SCAPER: variants seen among roughly 807,000 people sequenced by gnomAD.
SCAPER encodes the protein S-phase cyclin A associated protein in the ER.
SCAPER carries 98 observed loss-of-function variants against 182.2 expected under a neutral mutation model. The ratio of observed to expected loss-of-function variants is 0.54; its 90% CI spans 0.46 to 0.64. The LOEUF is 0.64. Ranked by LOEUF, SCAPER falls within the 30% of genes least tolerant of loss-of-function variation. The pLI is 0.00. For missense variants in SCAPER, 1,432 were observed against 1,690.0 expected (o/e 0.85, Z 2.68); for synonymous variants, 605 against 564.6 (o/e 1.07, Z -1.01).
chr15:76,618,183 C>T (rs1310858119), intron 22 of SCAPER, among the ~76,000 whole-genome samples: 1 of 152,078 alleles, frequency 6.6e-6, no homozygotes, highest in Non-Finnish European at 1.5e-5. Flanking sequence ...CCACTTGAAC[C>T]CGGGAGGAAG....
At chr15:76,853,282 TATTCCAAA>T (rs1373167273) in intron 4 of SCAPER, among the ~76,000 whole-genome samples, 1 of 152,100 alleles carries the variant, frequency 6.6e-6, no homozygotes, top group Admixed American at 6.5e-5. Flanking sequence ...CTACTGAAAC[TATTCCAAA>T]AAATTGAGGA....
At chr15:76,497,124 T>TTTC (rs1555456895) in intron 24 of SCAPER, among the ~76,000 whole-genome samples, 3 of 139,426 alleles carry the variant, frequency 2.2e-5, no homozygotes, top group Non-Finnish European at 3.0e-5. Context: ...TTTTTTTTTT[T>TTTC]CCCAAAACGG....
chr15:76,627,018 C>T (rs1297905613), intron 21 of SCAPER, among the ~76,000 whole-genome samples: 2 of 151,716 alleles, frequency 1.3e-5, no homozygotes, highest in Non-Finnish European at 3.0e-5. Context: ...AATATACTGT[C>T]ACAATTATAA....
intron 1 of SCAPER, 118 bp from the exon 2 acceptor site, chr15:76,883,994 T>G (rs2073716136): frequency 1.8e-6 from 1 of 553,818 alleles, no homozygotes; most frequent in Non-Finnish European, 3.1e-6. Flanking sequence ...AAAAAACTGC[T>G]CCTTTATATT....
At chr15:76,891,319 G>A (rs1361399514) in intron 1 of SCAPER, among the ~76,000 whole-genome samples, 3 of 152,174 alleles carry the variant, frequency 2.0e-5, no homozygotes, top group Non-Finnish European at 4.4e-5. Context: ...ATTCTGGCCA[G>A]AGCAATTAGG....
At chr15:76,363,964 T>G (rs2041631334) in intron 29 of SCAPER, among the ~76,000 whole-genome samples, 1 of 152,178 alleles carries the variant, frequency 6.6e-6, no homozygotes, top group African/African-American at 2.4e-5. Flanking sequence ...AGAGGGTCCT[T>G]GAGGCCAATG....
chr15:76,891,938 C>T (rs1328821207), intron 1 of SCAPER, among the ~76,000 whole-genome samples: 4 of 152,166 alleles, frequency 2.6e-5, no homozygotes, highest in Admixed American at 6.5e-5. Context: ...TACTACAAGG[C>T]TACAGTAACC....
chr15:76,665,730 T>C lies in SCAPER; in HGVS notation c.2568A>G (p.Ala856=), dbSNP rs2056524621. Residue 856 remains alanine, a synonymous_variant, in exon 21 of 32, where the codon GCA becomes GCG. Coordinates refer to ENST00000563290, the MANE Select transcript of SCAPER (RefSeq NM_020843.4). ...IDIVVESTAP[A]EALKDGEERQ... is the part of the protein sequence containing the mutation. The stretch of plus-strand genomic sequence containing the variant: ...GCTCTTCTCCATCTTTCAAAGCTTC[T>C]GCTGGAGCTGTACTTTCAACCACAA... 1.3e-6 allele frequency: 2 copies of C among 1,559,214 alleles called. No homozygotes were observed. The highest frequency in any genetic ancestry group is 1.2e-5 in the South Asian group (1 of 84,126).
rs1347870422 is a variant in SCAPER at position 76,702,947 on chromosome 15, GCTTTTT to G, written c.2297_2302del (p.Glu766_Lys767del). 1 of 1,609,994 alleles carries G rather than the reference GCTTTTT, an allele frequency of 6.2e-7. No homozygotes were observed. Among genetic ancestry groups the G allele is most frequent in the Admixed American group, 1.7e-5 (1 of 59,320 alleles). Reference sequence around the variant, plus strand: ...ATGTCGCCCACTGCTTAGCTCAGCAGCTTTTTCTTTTCTTTGTTCAATCTGTTCCAT... The same window carrying G: ...ATGTCGCCCACTGCTTAGCTCAGCAGCTTTTCTTTGTTCAATCTGTTCCAT... On this transcript the variant is annotated inframe_deletion, in exon 19 of 32. Coordinates refer to ENST00000563290, the MANE Select transcript of SCAPER (RefSeq NM_020843.4).
Position 76,354,395 on chromosome 15 carries a change from T to C in SCAPER, c.3856-255A>G, listed in dbSNP as rs142243136. The C allele has an allele frequency of 7.6e-5, 29 of 381,972 alleles. No homozygotes were observed. The highest frequency in any genetic ancestry group is 5.3e-4 in the African/African-American group (25 of 46,766). 23.7% of individuals were successfully genotyped at this position (381,972 alleles called of 1,614,324 possible). Reference sequence around the variant, plus strand: ...AGTTATTATAATCCACGATTAAAGGTGTAGCTGCCACGGAGTAAGGACGCC... The same window carrying C: ...AGTTATTATAATCCACGATTAAAGGCGTAGCTGCCACGGAGTAAGGACGCC... On this transcript the variant is annotated intron_variant, in intron 29 of 31. Coordinates refer to ENST00000563290, the MANE Select transcript of SCAPER (RefSeq NM_020843.4). This position sits in a 1 kb window ranked among gnomAD's most constrained non-coding sequence, Gnocchi z 4.4.
chr15:76,711,635 G>A lies in SCAPER; in HGVS notation c.2166-5651C>T, dbSNP rs978580842. Among the ~76,000 whole-genome samples the A allele has an allele frequency of 2.0e-5, 3 of 152,158 alleles. No homozygotes were observed. In the South Asian group the frequency reaches 6.2e-4, roughly 32 times the overall value. On this transcript the variant is annotated intron_variant, in intron 17 of 31. Coordinates refer to ENST00000563290, the MANE Select transcript of SCAPER (RefSeq NM_020843.4). ...GTTTTTAATGATTGCCATTCTAACTGGTGTGAGATGGTATCTCATTGTGGT... is the reference window on the plus strand; with the variant it reads ...GTTTTTAATGATTGCCATTCTAACTAGTGTGAGATGGTATCTCATTGTGGT...
intron 20 of SCAPER, among the ~76,000 whole-genome samples, chr15:76,674,569 C>A (rs796214788): frequency 2.0e-5 from 3 of 151,976 alleles, no homozygotes; most frequent in African/African-American, 7.2e-5. Context: ...TCCCCTTCTG[C>A]AAATTCCAAC....
chr15:76,482,890 T>C (rs1217809190), intron 24 of SCAPER, among the ~76,000 whole-genome samples: 1 of 152,102 alleles, frequency 6.6e-6, no homozygotes, highest in African/African-American at 2.4e-5. Context: ...TCCATATTCA[T>C]GGGTAGGAAG....
At chr15:76,736,330 T>C (rs1211522273) in intron 15 of SCAPER, among the ~76,000 whole-genome samples, 2 of 152,182 alleles carry the variant, frequency 1.3e-5, no homozygotes, top group African/African-American at 4.8e-5. Context: ...AGGGTGGTGG[T>C]TGCTGAAGGT....
intron 23 of SCAPER, among the ~76,000 whole-genome samples, chr15:76,507,818 T>C (rs867904912): frequency 6.6e-6 from 1 of 152,164 alleles, no homozygotes; most frequent in Non-Finnish European, 1.5e-5. Flanking sequence ...AAACTAACAA[T>C]CAAAACCTGC....
At chr15:76,633,831 G>A (rs186816709) in intron 21 of SCAPER, among the ~76,000 whole-genome samples, 47 of 152,300 alleles carry the variant, frequency 3.1e-4, no homozygotes, top group Middle Eastern at 3.4e-3. Context: ...ACCCCTCTCC[G>A]CCCGGAACTT....
intron 26 of SCAPER, among the ~76,000 whole-genome samples, chr15:76,410,342 C>T (rs112544251): frequency 3.5e-4 from 54 of 152,162 alleles, no homozygotes; most frequent in Non-Finnish European, 6.9e-4. Context: ...CTGATGCTAA[C>T]CTTAAGGACC....
chr15:76,701,623 T>C (rs1026671068), intron 20 of SCAPER, 135 bp downstream of exon 20: 13 of 633,010 alleles, frequency 2.1e-5, no homozygotes, highest in African/African-American at 9.2e-5. Context: ...GTACACTATA[T>C]TGTAGTAGCT....
intron 23 of SCAPER, among the ~76,000 whole-genome samples, chr15:76,524,792 A>G (rs2043081650): frequency 6.6e-6 from 1 of 150,586 alleles, no homozygotes; most frequent in South Asian, 2.1e-4. Context: ...GTTAATTTTG[A>G]AAGATCTAGG....
Sources: gnomAD v4.1 joint callset for allele counts (sites outside exome capture counted in the v4.1 genomes callset) on GRCh38, gnomAD v4.1.1 for gene constraint, Gnocchi (gnomAD v3.1) non-coding constraint, MANE v1.5 for transcripts, NCBI Gene and HGNC (gene_info 2026-07-23, HGNC 2026-07-21) for gene names.